Variants in FIBCD1 observed in about 807,000 individuals in gnomAD.
FIBCD1 encodes the protein fibrinogen C domain containing 1.
A neutral mutation model predicts 45.1 loss-of-function variants in FIBCD1; 47 were observed. That is an observed-to-expected ratio of 1.04 (90% confidence interval 0.82 to 1.33). The LOEUF is 1.33. Among genes scored for constraint, FIBCD1 ranks in the 40% most tolerant of loss-of-function variants. The pLI, the probability that FIBCD1 is intolerant of heterozygous loss-of-function variation, is 0.00. For synonymous variants in FIBCD1, 313 were observed against 308.1 expected (o/e 1.02, Z -0.17); for missense variants, 653 against 682.2 (o/e 0.96, Z 0.48).
At chr9:130,929,453 T>C in intron 2 of FIBCD1, 114 bp downstream of exon 2, 1 of 1,353,060 alleles carries the variant, frequency 7.4e-7, no homozygotes, top group Non-Finnish European at 9.7e-7. Flanking sequence ...TAGCCCCTTG[T>C]CTGGGGCCTT....
Position 130,904,082 on chromosome 9 carries a change from C to A in FIBCD1, c.1368G>T (p.Pro456=). 1 of 1,612,852 alleles carries A rather than the reference C, an allele frequency of 6.2e-7. No homozygotes were observed. ...SLKFSEMKIR[P]VREDR is the part of the protein sequence containing the mutation. ...CACCAGTCTAGCGGTCCTCCCGGACCGGCCGGATCTTCATCTCAGAGAACT... is the reference window on the plus strand; with the variant it reads ...CACCAGTCTAGCGGTCCTCCCGGACAGGCCGGATCTTCATCTCAGAGAACT... Residue 456 remains proline (P), a synonymous_variant, in exon 7 of 7, where the codon CCG becomes CCT. Transcript: ENST00000372338.
rs1303047877 is a variant in FIBCD1, at chr9:130,905,255, C to A, written c.1105G>T (p.Ala369Ser). The A allele has an allele frequency of 6.2e-7, 1 of 1,613,660 alleles. No individual in the cohort carries two copies. The change falls in exon 6 of 7, where the codon GCT (alanine) becomes TCT (serine). Residue 369 changes from alanine (A) to serine (S), a missense_variant. Physicochemically the swap from Ala to Ser is moderately conservative, Grantham distance 99 (BLOSUM62 1). Transcript: ENST00000372338. ...TCACCTGCAGTGCCGGAATAGTCAG[C>A]CACGGTGAGCGGGTACCCGTCTTCC... ...PEEDGYPLTV[A>S]DYSGTAGDSL...
At chr9:130,917,034 G>A (rs956931196) in intron 4 of FIBCD1, among the ~76,000 whole-genome samples, 18 of 152,226 alleles carry the variant, frequency 1.2e-4, no homozygotes, top group Non-Finnish European at 2.1e-4. Flanking sequence ...GGAGGCAGAG[G>A]TTGCAGCGAG....
rs372947957 is a variant in FIBCD1 at position 130,904,138 on chromosome 9, A to C, written c.1312T>G (p.Ser438Ala). ...HASYADGVEW[S>A]SWTGWQYSLK... ...GAGTACTGCCAGCCGGTCCAGGAGG[A>C]CCACTCCACGCCGTCGGCATAGGAG... The change falls in exon 7 of 7, where the codon TCC (serine) becomes GCC (alanine). Residue 438 changes from serine (S) to alanine (A), a missense_variant. Transcript: ENST00000372338. The C allele has an allele frequency of 1.9e-6, 3 of 1,613,206 alleles. No individual in the cohort carries two copies. The highest frequency in any genetic ancestry group is 2.5e-6 in the Non-Finnish European group (3 of 1,179,872).
In FIBCD1 at chr9:130,929,931, GC is replaced by G; in HGVS notation, c.187del (p.Ala63ArgfsTer57). Reference sequence around the variant, plus strand: ...CCCAGTGCTGACGACAGGTGGGGGCGCCGTGCCCGGCGCGTGGGCGTGGTTC... The same window carrying G: ...CCCAGTGCTGACGACAGGTGGGGGCGCGTGCCCGGCGCGTGGGCGTGGTTC... ...FLNHAHAPGT[A>X]PPPVVSTGAA... is the part of the protein sequence containing the mutation. On this transcript the variant is annotated frameshift_variant, in exon 2 of 7. Transcript: ENST00000372338. LOFTEE classifies it high-confidence loss of function. 6.5e-7 allele frequency: 1 copy of G among 1,548,926 alleles called. No homozygotes were observed. The highest frequency in any genetic ancestry group is 8.7e-7 in the Non-Finnish European group (1 of 1,146,242).
At chr9:130,905,816 T>G (rs1831918209) in intron 5 of FIBCD1, among the ~76,000 whole-genome samples, 1 of 152,202 alleles carries the variant, frequency 6.6e-6, no homozygotes, top group South Asian at 2.1e-4. Context: ...TGCTGTTCCC[T>G]CTGCCAGGAT....
chr9:130,917,216 C>T (rs549693501), intron 4 of FIBCD1, among the ~76,000 whole-genome samples: 81 of 152,344 alleles, frequency 5.3e-4, no homozygotes, highest in South Asian at 6.2e-4. Context: ...TCTCTTGGGT[C>T]CCGGCTGGAA....
At position 130,924,128 on chromosome 9, in the gene FIBCD1, T is replaced by G. The variant is rs1832313864; in HGVS notation, c.712+109A>C. On this transcript the variant is annotated intron_variant, in intron 3 of 6. Transcript: ENST00000372338. ...GGCTTCAGCGCAGGCCACATGGAAG[T>G]AGGGTCGGGCCCTGGAGTCTCATGG... The G allele has an allele frequency of 2.2e-6, 3 of 1,391,620 alleles. No individual in the cohort carries two copies. The East Asian group carries it at 7.5e-5, about 35-fold the overall frequency. The allele number at this position is 1,391,620 out of a possible 1,614,324, so 86.2% of individuals were successfully genotyped here. A position where few individuals can be genotyped will look rare whatever the true frequency, so the allele number is the denominator to read the frequency against.
chr9:130,938,569 G>C lies in FIBCD1; in HGVS notation c.39C>G (p.Ala13=), dbSNP rs909714679. The C allele has an allele frequency of 2.7e-6, 4 of 1,489,886 alleles. No homozygotes were observed. The highest frequency in any genetic ancestry group is 3.6e-6 in the Non-Finnish European group (4 of 1,125,208). The allele number at this position is 1,489,886 out of a possible 1,614,324, so 92.3% of individuals were successfully genotyped here. A position where few individuals can be genotyped will look rare whatever the true frequency, so the allele number is the denominator to read the frequency against. ...TGTCGCGCGGCCGGTCCTCAAGTTG[G>C]GCAGCGCCGCCCATGGTCTTCCACC... ...NDRWKTMGGA[A]QLEDRPRDKP... is the part of the protein sequence containing the mutation. Residue 13 remains alanine, a synonymous_variant, in exon 1 of 7, where the codon GCC becomes GCG. Coordinates refer to ENST00000372338, the MANE Select transcript of FIBCD1 (RefSeq NM_032843.5).
chr9:130,929,724 T>C lies in FIBCD1; in HGVS notation c.395A>G (p.Gln132Arg). 1 of 1,590,968 alleles carries C rather than the reference T, an allele frequency of 6.3e-7. No individual in the cohort carries two copies. The highest frequency in any genetic ancestry group is 8.5e-7 in the Non-Finnish European group (1 of 1,169,984). The stretch of plus-strand genomic sequence containing the variant: ...CAGCGTGTCCAGCAGCTCCTGCTCC[T>C]GGTCGCCCACCAGCCGTGGCTGGGC... ...HQAQPRLVGD[Q>R]EQELLDTLAD... The change falls in exon 2 of 7, where the codon CAG (glutamine) becomes CGG (arginine). Residue 132 changes from glutamine (Q) to arginine (R), a missense_variant. By Grantham distance (43) the Gln-to-Arg change is conservative. Coordinates refer to ENST00000372338, the MANE Select transcript of FIBCD1 (RefSeq NM_032843.5).
intron 4 of FIBCD1, among the ~76,000 whole-genome samples, chr9:130,916,458 G>A (rs929704793): frequency 1.3e-4 from 20 of 152,254 alleles, no homozygotes; most frequent in South Asian, 4.2e-4. Flanking sequence ...ACCCTGCCCC[G>A]ACCTCGAGCC....
chr9:130,936,279 G>A (rs1383065761), intron 1 of FIBCD1: 1 of 152,376 alleles, frequency 6.6e-6, no homozygotes, highest in Non-Finnish European at 1.5e-5. Flanking sequence ...GGCTGGCCCA[G>A]GAGAGGGCAG....
At chr9:130,917,453 G>A (rs1235561050) in intron 4 of FIBCD1, among the ~76,000 whole-genome samples, 2 of 148,120 alleles carry the variant, frequency 1.4e-5, no homozygotes, top group South Asian at 2.1e-4. Context: ...TCTGGACATG[G>A]AGGAAGGAGT....
intron 5 of FIBCD1, among the ~76,000 whole-genome samples, chr9:130,907,511 A>G (rs1831949977): frequency 6.6e-6 from 1 of 152,210 alleles, no homozygotes; most frequent in Non-Finnish European, 1.5e-5. Context: ...ATGGCTTGAA[A>G]CAGACAGGAA....
intron 4 of FIBCD1, among the ~76,000 whole-genome samples, chr9:130,917,561 T>C (rs1040819834): frequency 6.6e-6 from 1 of 152,210 alleles, no homozygotes; most frequent in Non-Finnish European, 1.5e-5. Context: ...GAGATGCCTC[T>C]GGGCCGCTGC....
intron 1 of FIBCD1, among the ~76,000 whole-genome samples, chr9:130,932,273 C>G (rs751510522): frequency 6.6e-6 from 1 of 152,188 alleles, no homozygotes; most frequent in African/African-American, 2.4e-5. Context: ...ACTTGGCACC[C>G]GAAGAGGACG....
At chr9:130,907,398 C>G (rs113196494) in intron 5 of FIBCD1, among the ~76,000 whole-genome samples, 1 of 152,196 alleles carries the variant, frequency 6.6e-6, no homozygotes, top group Non-Finnish European at 1.5e-5. Flanking sequence ...CTTCCAGGAC[C>G]GCTCCCAGCC....
At chr9:130,915,366 C>T (rs534589646) in intron 4 of FIBCD1, among the ~76,000 whole-genome samples, 43 of 152,324 alleles carry the variant, frequency 2.8e-4, no homozygotes, top group Admixed American at 7.2e-4. Flanking sequence ...CACATACGGC[C>T]GGCACTCCTG....
At chr9:130,913,174 G>A (rs1440990325) in intron 4 of FIBCD1, among the ~76,000 whole-genome samples, 1 of 151,770 alleles carries the variant, frequency 6.6e-6, no homozygotes, top group Non-Finnish European at 1.5e-5. Context: ...AGAGCTGCCT[G>A]GAGTATTTAC....
Sources: allele counts gnomAD v4.1 joint callset (sites outside exome capture counted in the v4.1 genomes callset), GRCh38; gene constraint gnomAD v4.1.1; transcripts MANE v1.5; gene names NCBI Gene and HGNC (gene_info 2026-07-23, HGNC 2026-07-21).